DOCK3: variants seen among roughly 807,000 people sequenced by gnomAD.
DOCK3 encodes dedicator of cytokinesis 3.
Under a neutral mutation model 265.6 loss-of-function variants are expected in DOCK3, and 60 were observed. The observed-to-expected ratio is 0.23, with a 90% CI of 0.18 to 0.28. DOCK3 has a LOEUF of 0.28. Among genes scored for constraint, DOCK3 ranks in the 10% least tolerant of loss-of-function variants. DOCK3 has a pLI of 1.00. For missense variants in DOCK3, 1,981 were observed against 2,594.3 expected (o/e 0.76, Z 5.14); for synonymous variants, 881 against 938.0 (o/e 0.94, Z 1.11).
intron 5 of DOCK3, among the ~76,000 whole-genome samples, chr3:50,979,998 C>T (rs2077631068): frequency 6.6e-6 from 1 of 152,126 alleles, no homozygotes; most frequent in Non-Finnish European, 1.5e-5. Context: ...CTGTGTTGAA[C>T]AAGAATGTTC....
At chr3:51,215,570 T>C (rs555704759) in intron 14 of DOCK3, among the ~76,000 whole-genome samples, 1 of 152,338 alleles carries the variant, frequency 6.6e-6, no homozygotes, top group East Asian at 1.9e-4. Flanking sequence ...CACTGAATTC[T>C]CTTGTTGGAA....
intron 2 of DOCK3, among the ~76,000 whole-genome samples, chr3:50,840,352 T>G (rs1371443375): frequency 1.3e-5 from 2 of 152,248 alleles, no homozygotes; most frequent in Non-Finnish European, 2.9e-5. Flanking sequence ...TTTTGCATTT[T>G]ATGTTAAGGT....
At chr3:50,725,365 C>G (rs1175873315) in intron 1 of DOCK3, among the ~76,000 whole-genome samples, 1 of 152,140 alleles carries the variant, frequency 6.6e-6, no homozygotes, top group Non-Finnish European at 1.5e-5. Flanking sequence ...AACACAAGCA[C>G]TGTTCCTAAA....
intron 3 of DOCK3, among the ~76,000 whole-genome samples, chr3:50,880,959 A>C (rs1304976962): frequency 6.6e-6 from 1 of 152,230 alleles, no homozygotes; most frequent in African/African-American, 2.4e-5. Context: ...CCTGGGATGC[A>C]AGGCTGGTTC....
rs1236969570 is a variant in DOCK3 at position 50,970,936 on chromosome 3, TATATATATATA to T, written c.315+36862_315+36872del. Among the ~76,000 whole-genome samples the T allele has an allele frequency of 5.2e-4, 40 of 76,358 alleles. 1 individual carries two copies. The highest frequency in any genetic ancestry group is 8.6e-4 in the East Asian group (2 of 2,316). The allele number at this position is 76,358 out of a possible 152,430, so 50.1% of individuals were successfully genotyped here. ...ATATATATATATATATATATATATATATATATATATAATGTGTGTGTGTGTGTGTGTATATA... is the reference window on the plus strand; with the variant it reads ...ATATATATATATATATATATATATATATGTGTGTGTGTGTGTGTGTATATA... On this transcript the variant is annotated intron_variant, in intron 5 of 52. Coordinates refer to ENST00000266037, the MANE Select transcript of DOCK3 (RefSeq NM_004947.5).
At chr3:50,986,102 A>G (rs1178255097) in intron 5 of DOCK3, among the ~76,000 whole-genome samples, 1 of 152,102 alleles carries the variant, frequency 6.6e-6, no homozygotes, top group Non-Finnish European at 1.5e-5. Context: ...GATTTGATTC[A>G]GTTTCTATTA....
chr3:51,204,288 G>C (rs1392253064), intron 12 of DOCK3, among the ~76,000 whole-genome samples: 44 of 146,206 alleles, frequency 3.0e-4, no homozygotes, highest in Admixed American at 4.9e-4. Context: ...CTAATATCCA[G>C]AATCTACAAT....
intron 12 of DOCK3, among the ~76,000 whole-genome samples, chr3:51,186,305 T>C (rs933360716): frequency 6.6e-6 from 1 of 152,110 alleles, no homozygotes; most frequent in Admixed American, 6.5e-5. Flanking sequence ...TTGTGGAACA[T>C]TGAACTTGAG....
intron 9 of DOCK3, among the ~76,000 whole-genome samples, chr3:51,128,827 C>T (rs975369412): frequency 3.3e-5 from 5 of 152,132 alleles, no homozygotes; most frequent in African/African-American, 4.8e-5. Context: ...TAAGCCCAAG[C>T]GTAACCTCCA....
chr3:51,269,141 A>C (rs535621140), intron 23 of DOCK3, among the ~76,000 whole-genome samples: 17 of 147,624 alleles, frequency 1.2e-4, no homozygotes, highest in Non-Finnish European at 1.8e-4. Flanking sequence ...CTCTCTCTAT[A>C]TATATATATT....
Position 51,244,559 on chromosome 3 carries a change from A to T in DOCK3, c.2103-2167A>T, listed in dbSNP as rs190783425. Reference sequence around the variant, plus strand: ...TCCTGCAACTTTACTGAATTTATTTATTAGTTCTAACAGGTTTTTTTGGGG... The same window carrying T: ...TCCTGCAACTTTACTGAATTTATTTTTTAGTTCTAACAGGTTTTTTTGGGG... On this transcript the variant is annotated intron_variant, in intron 21 of 52. Coordinates refer to ENST00000266037, the MANE Select transcript of DOCK3 (RefSeq NM_004947.5). 3.5e-4 allele frequency among the ~76,000 whole-genome samples: 54 copies of T among 152,226 alleles called. 1 individual carries two copies. Among genetic ancestry groups the T allele is most frequent in the Admixed American group, 1.6e-3 (24 of 15,288 alleles).
chr3:50,933,533 T>C (rs1033112044), intron 4 of DOCK3, among the ~76,000 whole-genome samples: 1 of 152,138 alleles, frequency 6.6e-6, no homozygotes, highest in Non-Finnish European at 1.5e-5. Flanking sequence ...CAAAGTTTAA[T>C]TGTGTGGGTT....
At chr3:50,917,303 C>T (rs1389444391) in intron 4 of DOCK3, among the ~76,000 whole-genome samples, 2 of 152,008 alleles carry the variant, frequency 1.3e-5, no homozygotes, top group South Asian at 4.1e-4. Context: ...TCTGGGCCTG[C>T]TATCTTTAGA....
At chr3:51,303,229 G>A (rs1051907204) in intron 27 of DOCK3, among the ~76,000 whole-genome samples, 2 of 151,912 alleles carry the variant, frequency 1.3e-5, no homozygotes, top group Non-Finnish European at 2.9e-5. Flanking sequence ...TTTACACTGT[G>A]AAGTTCTCAT....
At chr3:50,690,340 C>T (rs2107730869) in intron 1 of DOCK3, among the ~76,000 whole-genome samples, 1 of 152,002 alleles carries the variant, frequency 6.6e-6, no homozygotes, top group South Asian at 2.1e-4. Flanking sequence ...TGCCATGTTG[C>T]CTAGGCTGGT....
chr3:51,089,596 T>C (rs1483271143), intron 8 of DOCK3, among the ~76,000 whole-genome samples: 1 of 152,180 alleles, frequency 6.6e-6, no homozygotes, highest in African/African-American at 2.4e-5. Flanking sequence ...TAATGGCATT[T>C]CTTTAAAATG....
intron 1 of DOCK3, among the ~76,000 whole-genome samples, chr3:50,684,130 T>C (rs1202327682): frequency 6.6e-6 from 1 of 151,672 alleles, no homozygotes; most frequent in African/African-American, 2.4e-5. Flanking sequence ...AGCTCAAATG[T>C]CATCTCTTTT....
chr3:50,897,133 C>G (rs182011008), intron 4 of DOCK3, among the ~76,000 whole-genome samples: 2 of 152,194 alleles, frequency 1.3e-5, no homozygotes, highest in East Asian at 3.9e-4. Context: ...AATATTTTTC[C>G]ATTTGTTTGT....
chr3:50,855,868 G>A (rs1323878601), intron 3 of DOCK3, among the ~76,000 whole-genome samples: 1 of 151,948 alleles, frequency 6.6e-6, no homozygotes, highest in Non-Finnish European at 1.5e-5. Context: ...CCCAGTATGT[G>A]TTGTTTCCCC....
Sources: gnomAD v4.1 joint callset for allele counts (sites outside exome capture counted in the v4.1 genomes callset) on GRCh38, gnomAD v4.1.1 for gene constraint, MANE v1.5 for transcripts, NCBI Gene and HGNC (gene_info 2026-07-23, HGNC 2026-07-21) for gene names.